Variants in GLB1 observed in about 807,000 individuals in gnomAD.
GLB1 encodes the protein galactosidase beta 1, also known as beta-galactosidase.
A neutral mutation model predicts 74.0 loss-of-function variants in GLB1; 56 were observed. The ratio of observed to expected loss-of-function variants is 0.76; its 90% CI spans 0.61 to 0.94. The LOEUF (loss-of-function observed/expected upper bound fraction) is 0.94. Ranked by LOEUF, GLB1 falls within the 40% of genes least tolerant of loss-of-function variation. The pLI, the probability that GLB1 is intolerant of heterozygous loss-of-function variation, is 0.00. For missense variants in GLB1, 787 were observed against 845.5 expected (o/e 0.93, Z 0.86); for synonymous variants, 323 against 323.6 (o/e 1.00, Z 0.02).
chr3:33,056,939 CA>C (rs1370728078), intron 6 of GLB1, among the ~76,000 whole-genome samples: 1 of 152,232 alleles, frequency 6.6e-6, no homozygotes, highest in East Asian at 1.9e-4. Context: ...GCCACACACA[CA>C]AAAAAAGTCC....
At chr3:33,095,854 G>T (rs1371168949) in intron 1 of GLB1, among the ~76,000 whole-genome samples, 1 of 152,118 alleles carries the variant, frequency 6.6e-6, no homozygotes, top group Non-Finnish European at 1.5e-5. Context: ...AAGGTCCTAC[G>T]GGCCTTCTGG....
In GLB1 at chr3:33,012,410, G is replaced by C. The variant is rs565762865; in HGVS notation, c.1734+1646C>G. On this transcript the variant is annotated intron_variant, in intron 15 of 15. Coordinates refer to ENST00000307363, the MANE Select transcript of GLB1 (RefSeq NM_000404.4). ...TCATGAAGGTGGAGCCCTCATGAATGAAATTAGTGTCCTCATAAAAGAGAC... is the reference window on the plus strand; with the variant it reads ...TCATGAAGGTGGAGCCCTCATGAATCAAATTAGTGTCCTCATAAAAGAGAC... Among the ~76,000 whole-genome samples, 5 of 152,286 alleles carry C rather than the reference G, an allele frequency of 3.3e-5. No individual in the cohort carries two copies. The East Asian group carries it at 9.7e-4, about 29-fold the overall frequency.
intron 6 of GLB1, among the ~76,000 whole-genome samples, chr3:33,057,456 G>A (rs914405906): frequency 3.9e-5 from 6 of 152,200 alleles, no homozygotes; most frequent in African/African-American, 7.2e-5. Context: ...CTTATGGCCA[G>A]AAGCATCCTA....
intron 1 of GLB1, chr3:33,077,244 A>T: frequency 7.0e-6 from 11 of 1,562,638 alleles, no homozygotes; most frequent in Non-Finnish European, 9.5e-6. Flanking sequence ...GAGACTGAGA[A>T]CAAAGATCAT....
At position 32,996,974 on chromosome 3, in the gene GLB1, A is replaced by T. The variant is rs1696326973; in HGVS notation, c.*71T>A. On this transcript the variant is annotated 3_prime_UTR_variant, in exon 16 of 16. Coordinates refer to ENST00000307363, the MANE Select transcript of GLB1 (RefSeq NM_000404.4). Reference sequence around the variant, plus strand: ...CCATTTCCACATTCCAATCAGTGAAATGTGGCATGACAGGGAGGATCTGTG... The same window carrying T: ...CCATTTCCACATTCCAATCAGTGAATTGTGGCATGACAGGGAGGATCTGTG... 6.2e-7 allele frequency: 1 copy of T among 1,612,538 alleles called. No homozygotes were observed. Among genetic ancestry groups the T allele is most frequent in the East Asian group, 2.2e-5 (1 of 44,866 alleles).
At chr3:32,969,315 T>C in the GLB1 span, among the ~76,000 whole-genome samples, 1 of 152,302 alleles carries the variant, frequency 6.6e-6, no homozygotes, top group African/African-American at 2.4e-5. Flanking sequence ...CCAAATATGC[T>C]TCTGCCACTT....
At chr3:32,983,857 T>A in the GLB1 span, among the ~76,000 whole-genome samples, 1 of 151,490 alleles carries the variant, frequency 6.6e-6, no homozygotes, top group Non-Finnish European at 1.5e-5. Context: ...TTTTTAAATT[T>A]TTTTTTTTGT....
chr3:33,009,223 G>C (rs142491769), intron 15 of GLB1, among the ~76,000 whole-genome samples: 24 of 151,596 alleles, frequency 1.6e-4, no homozygotes, highest in African/African-American at 5.3e-4. Context: ...GAATGTTTCA[G>C]GTCATTAATA....
chr3:33,081,087 G>A (rs1346262156), intron 1 of GLB1, among the ~76,000 whole-genome samples: 1 of 152,204 alleles, frequency 6.6e-6, no homozygotes, highest in Non-Finnish European at 1.5e-5. Context: ...AAAGGAGTGT[G>A]AGGTTAGCTG....
Position 33,072,614 on chromosome 3 carries a change from G to A in GLB1, c.175C>T (p.Arg59Cys), listed in dbSNP as rs756878418. 36 of 1,613,976 alleles carry A rather than the reference G, an allele frequency of 2.2e-5. No homozygotes were observed. Among genetic ancestry groups the A allele is most frequent in the Admixed American group, 1.7e-5 (1 of 60,002 alleles). ...TCCTTCCAGTAGAAGCGGGGCACAC[G>A]GGAGTAGTGAATGCTTCCTGAGATG... ...RYISGSIHYS[R>C]VPRFYWKDRL... is the part of the protein sequence containing the mutation. The change falls in exon 2 of 16, where the codon CGT becomes TGT. Residue 59 changes from arginine to cysteine, a missense_variant. Transcript: ENST00000307363.
chr3:32,983,292 C>G, the GLB1 span, among the ~76,000 whole-genome samples: 14,708 of 152,070 alleles, frequency 0.097, 820 homozygotes, highest in African/African-American at 0.16. Context: ...TCATGTTTTC[C>G]TTTTTGTTTG....
Position 33,058,394 on chromosome 3 carries a change from A to T in GLB1, c.553-125T>A, listed in dbSNP as rs1699309933. 19 of 1,391,832 alleles carry T rather than the reference A, an allele frequency of 1.4e-5. No homozygotes were observed. The South Asian group carries it at 1.7e-4, about 12-fold the overall frequency. The allele number at this position is 1,391,832 out of a possible 1,614,324, so 86.2% of individuals were successfully genotyped here. On this transcript the variant is annotated intron_variant, in intron 5 of 15. Transcript: ENST00000307363. The stretch of plus-strand genomic sequence containing the variant: ...GACAAGGCTTAATGACTGCTGGAAA[A>T]ATTTCCTTCACTCAGACCTCAAAAC...
intron 1 of GLB1, among the ~76,000 whole-genome samples, chr3:33,081,672 T>C (rs1700328767): frequency 6.6e-6 from 1 of 152,164 alleles, no homozygotes; most frequent in African/African-American, 2.4e-5. Flanking sequence ...GGTTCTGGCA[T>C]AACCAGCATG....
At chr3:33,012,224 C>G (rs917739321) in intron 15 of GLB1, among the ~76,000 whole-genome samples, 1 of 152,186 alleles carries the variant, frequency 6.6e-6, no homozygotes, top group East Asian at 1.9e-4. Context: ...AATTCCCAGC[C>G]TATAGATCCA....
At chr3:32,994,076 T>C (rs189878188), downstream of GLB1, among the ~76,000 whole-genome samples, 1 of 152,362 alleles carries the variant, frequency 6.6e-6, no homozygotes, top group East Asian at 1.9e-4. Context: ...CTCATGGGTA[T>C]CTATCCAAGA....
At chr3:33,026,124 ACCAAGCTGCAGCTG>A (rs886874934) in intron 10 of GLB1, among the ~76,000 whole-genome samples, 5 of 152,012 alleles carry the variant, frequency 3.3e-5, no homozygotes, top group African/African-American at 1.2e-4. Flanking sequence ...GGCTGCAGCT[ACCAAGCTGCAGCTG>A]CAGACGGAAA....
At position 32,997,057 on chromosome 3, in the gene GLB1, C is replaced by T. The variant is rs944682680; in HGVS notation, c.2022G>A (p.Leu674=). Residue 674 remains leucine (L), a synonymous_variant, in exon 16 of 16, where the codon CTG becomes CTA. Coordinates refer to ENST00000307363, the MANE Select transcript of GLB1 (RefSeq NM_000404.4). ...PPPQKNKDSW[L]DHV is the part of the protein sequence containing the mutation. ...CAGGCTTTCATCATCATACATGGTC[C>T]AGCCATGAATCTTTGTTTTTTTGCG... 2 of 1,613,954 alleles carry T rather than the reference C, an allele frequency of 1.2e-6. No homozygotes were observed. Among genetic ancestry groups the T allele is most frequent in the Non-Finnish European group, 1.7e-6 (2 of 1,180,020 alleles).
intron 15 of GLB1, among the ~76,000 whole-genome samples, chr3:32,998,619 CACAT>C (rs1455471835): frequency 6.6e-6 from 1 of 151,486 alleles, no homozygotes; most frequent in Non-Finnish European, 1.5e-5. Flanking sequence ...ATGGGGAGAT[CACAT>C]ACACGCAAAA....
downstream of GLB1, among the ~76,000 whole-genome samples, chr3:32,995,949 A>G (rs574412474): frequency 1.3e-5 from 2 of 152,310 alleles, no homozygotes; most frequent in South Asian, 4.1e-4. Flanking sequence ...ATATAAGTAT[A>G]TGAACATTTT....
Sources: allele counts gnomAD v4.1 joint callset (sites outside exome capture counted in the v4.1 genomes callset), GRCh38; gene constraint gnomAD v4.1.1; transcripts MANE v1.5; gene names NCBI Gene and HGNC (gene_info 2026-07-23, HGNC 2026-07-21).